The following CTNNA2 variants were observed in gnomAD, a reference collection of about 807,000 sequenced individuals.
CTNNA2 encodes the protein catenin alpha 2.
CTNNA2 carries 42 observed loss-of-function variants against 101.0 expected under a neutral mutation model. That is an observed-to-expected ratio of 0.42 (90% confidence interval 0.32 to 0.54). The LOEUF (loss-of-function observed/expected upper bound fraction) is 0.54. Ranked by LOEUF, CTNNA2 falls within the 20% of genes least tolerant of loss-of-function variation. The probability of loss-of-function intolerance (pLI) is 0.14; values close to 1 mark genes in which losing one functional copy is unlikely to be tolerated. For missense variants in CTNNA2, 871 were observed against 1,223.1 expected, an observed-to-expected ratio of 0.71 and a Z score of 4.29; for synonymous variants, 450 against 456.4, an observed-to-expected ratio of 0.99 and a Z score of 0.18.
chr2:79,528,929 G>T (rs1672577702), intron 1 of CTNNA2, among the ~76,000 whole-genome samples: 1 of 152,060 alleles, frequency 6.6e-6, no homozygotes, highest in Non-Finnish European at 1.5e-5. Flanking sequence ...AGTGCGGCCC[G>T]TAAACAAACT....
intron 7 of CTNNA2, among the ~76,000 whole-genome samples, chr2:80,130,502 A>G (rs1209030004): frequency 1.3e-5 from 2 of 152,168 alleles, no homozygotes; most frequent in African/African-American, 2.4e-5. Flanking sequence ...TGCCATTTGT[A>G]TATCAGTGAG....
At chr2:80,647,304 T>C (rs17789165) in intron 18 of CTNNA2, among the ~76,000 whole-genome samples, 9,294 of 145,616 alleles carry the variant, frequency 0.064, 304 homozygotes, top group Middle Eastern at 0.096. Context: ...GTCCAACATT[T>C]GAGTAAATGT....
chr2:79,508,149 C>A (rs1198541044), upstream of CTNNA2, among the ~76,000 whole-genome samples: 1 of 152,112 alleles, frequency 6.6e-6, no homozygotes, highest in African/African-American at 2.4e-5. Flanking sequence ...ACACAAGGCT[C>A]CAGCAAGTAT....
intron 18 of CTNNA2, among the ~76,000 whole-genome samples, chr2:80,643,546 A>G (rs1051340262): frequency 6.6e-6 from 1 of 152,184 alleles, no homozygotes; most frequent in African/African-American, 2.4e-5. Flanking sequence ...ATAGGAATAT[A>G]AAAGGCCCTT....
intron 15 of CTNNA2, among the ~76,000 whole-genome samples, chr2:80,596,279 G>GTTGTTTTTTTT (rs1696952246): frequency 2.8e-5 from 1 of 35,286 alleles, no homozygotes; most frequent in African/African-American, 1.0e-4. Context: ...AGACAAGGTT[G>GTTGTTTTTTTT]TTTTTTTTTT....
At chr2:79,833,992 A>G (rs1355112007) in intron 3 of CTNNA2, among the ~76,000 whole-genome samples, 1 of 152,188 alleles carries the variant, frequency 6.6e-6, no homozygotes, top group African/African-American at 2.4e-5. Flanking sequence ...ACATAAATTA[A>G]CTATTTTCTT....
chr2:80,036,022 C>CT (rs1695624794), intron 7 of CTNNA2, among the ~76,000 whole-genome samples: 1 of 152,194 alleles, frequency 6.6e-6, no homozygotes, highest in African/African-American at 2.4e-5. Flanking sequence ...TCCCACATGA[C>CT]GGTCTCATCA....
Position 80,599,839 on chromosome 2 carries a change from A to T in CTNNA2, c.2190-4235A>T, listed in dbSNP as rs189527005. Among the ~76,000 whole-genome samples the T allele has an allele frequency of 3.4e-3, 519 of 152,012 alleles. 2 individuals carry two copies. Among genetic ancestry groups the T allele is most frequent in the African/African-American group, 0.012 (493 of 41,454 alleles). ...TGCACAATGTGCCGATTAGTTACATATGTATACATGTGCCATGCTGGTGTG... is the reference window on the plus strand; with the variant it reads ...TGCACAATGTGCCGATTAGTTACATTTGTATACATGTGCCATGCTGGTGTG... On this transcript the variant is annotated intron_variant, in intron 15 of 18. Coordinates refer to ENST00000402739, the MANE Select transcript of CTNNA2 (RefSeq NM_001282597.3).
At position 80,604,183 on chromosome 2, in the gene CTNNA2, A is replaced by G. The variant is rs1218075981; in HGVS notation, c.2295+4A>G. ...AGCTCGTGCTGTGGCTGATCAGGTA[A>G]TAGAAGAGGGAAGGGTGGGCACATG... On this transcript the variant is annotated splice_donor_region_variant and intron_variant, in intron 16 of 18. Coordinates refer to ENST00000402739, the MANE Select transcript of CTNNA2 (RefSeq NM_001282597.3). 6.2e-7 allele frequency: 1 copy of G among 1,610,996 alleles called. No individual in the cohort carries two copies. Among genetic ancestry groups the G allele is most frequent in the Non-Finnish European group, 8.5e-7 (1 of 1,178,258 alleles).
intron 4 of CTNNA2, among the ~76,000 whole-genome samples, chr2:79,411,605 A>ATTCTT: frequency 6.6e-6 from 1 of 152,216 alleles, no homozygotes; most frequent in South Asian, 2.1e-4. Flanking sequence ...ATTCTTAAAG[A>ATTCTT]AAAGAATTTT....
chr2:80,613,826 G>C (rs947154598), intron 17 of CTNNA2, among the ~76,000 whole-genome samples: 13 of 151,508 alleles, frequency 8.6e-5, no homozygotes, highest in Non-Finnish European at 1.6e-4. Flanking sequence ...ACCTTAATTC[G>C]ATCTACTACT....
chr2:79,731,528 C>T (rs1017453500), intron 2 of CTNNA2, among the ~76,000 whole-genome samples: 1 of 152,034 alleles, frequency 6.6e-6, no homozygotes, highest in Non-Finnish European at 1.5e-5. Context: ...CCCACCAGAA[C>T]TATTTGTGCT....
chr2:80,086,893 G>C (rs182522974), intron 7 of CTNNA2, among the ~76,000 whole-genome samples: 9 of 152,124 alleles, frequency 5.9e-5, no homozygotes, highest in Non-Finnish European at 1.3e-4. Flanking sequence ...ATACCACTGG[G>C]AGGCCGCAGT....
At chr2:79,220,906 A>C (rs1223439067) in intron 2 of CTNNA2, among the ~76,000 whole-genome samples, 1 of 152,202 alleles carries the variant, frequency 6.6e-6, no homozygotes, top group Non-Finnish European at 1.5e-5. Flanking sequence ...AAGGGATCAT[A>C]GATTAGGTGA....
At chr2:80,188,176 G>A (rs1021672092) in intron 7 of CTNNA2, among the ~76,000 whole-genome samples, 1 of 152,180 alleles carries the variant, frequency 6.6e-6, no homozygotes, top group African/African-American at 2.4e-5. Context: ...AATATTTGAA[G>A]CTGACATCAG....
intron 2 of CTNNA2, among the ~76,000 whole-genome samples, chr2:79,234,735 C>G (rs1674535106): frequency 6.6e-6 from 1 of 151,998 alleles, no homozygotes; most frequent in South Asian, 2.1e-4. Context: ...TTGTAAAATT[C>G]TTTTTTCCTT....
chr2:80,366,917 T>C lies in CTNNA2; in HGVS notation c.1057-26294T>C, dbSNP rs527529933. On this transcript the variant is annotated intron_variant, in intron 7 of 18. Coordinates refer to ENST00000402739, the MANE Select transcript of CTNNA2 (RefSeq NM_001282597.3). ...CAATCAATATATGACAGATGTACAT[T>C]GATTCCATTGGTTCCATCCAGAAAA... 2.6e-5 allele frequency among the ~76,000 whole-genome samples: 4 copies of C among 152,168 alleles called. No individual in the cohort carries two copies. In the South Asian group the frequency reaches 8.3e-4, roughly 32 times the overall value.
chr2:79,193,029 A>G (rs12617017), intron 1 of CTNNA2, among the ~76,000 whole-genome samples: 32,347 of 151,984 alleles, frequency 0.21, 4,379 homozygotes, highest in African/African-American at 0.39. Context: ...GCATTTCTTT[A>G]TACTTCTACT....
intron 2 of CTNNA2, among the ~76,000 whole-genome samples, chr2:79,679,158 T>A (rs1302268765): frequency 6.6e-6 from 1 of 152,242 alleles, no homozygotes; most frequent in East Asian, 1.9e-4. Context: ...GAGCATTCAC[T>A]GTAATTTAGT....
Sources: gnomAD v4.1 joint callset for allele counts (sites outside exome capture counted in the v4.1 genomes callset) on GRCh38, gnomAD v4.1.1 for gene constraint, MANE v1.5 for transcripts, NCBI Gene and HGNC (gene_info 2026-07-23, HGNC 2026-07-21) for gene names.